The following MCF2L2 variants were observed in gnomAD, a reference collection of about 807,000 sequenced individuals.
MCF2L2 encodes the protein MCF.2 cell line derived transforming sequence-like 2.
A neutral mutation model predicts 150.2 loss-of-function variants in MCF2L2; 102 were observed. That is an observed-to-expected ratio of 0.68 (90% CI 0.58 to 0.80). MCF2L2 has a LOEUF of 0.80. Ranked by LOEUF, MCF2L2 falls within the 30% of genes least tolerant of loss-of-function variation. The pLI, the probability that MCF2L2 is intolerant of heterozygous loss-of-function variation, is 0.00. For synonymous variants in MCF2L2, 465 were observed against 491.3 expected, an observed-to-expected ratio of 0.95 and a Z score of 0.71; for missense variants, 1,256 against 1,372.8, an observed-to-expected ratio of 0.91 and a Z score of 1.34.
intron 2 of MCF2L2, among the ~76,000 whole-genome samples, chr3:183,379,719 C>T (rs1044879684): frequency 6.6e-6 from 1 of 152,148 alleles, no homozygotes; most frequent in Non-Finnish European, 1.5e-5. Flanking sequence ...TAATATTGCT[C>T]TTCATTTTTG....
chr3:183,216,207 G>A (rs1362387363), intron 21 of MCF2L2, 113 bp from the exon 22 acceptor site: 29 of 1,134,020 alleles, frequency 2.6e-5, no homozygotes, highest in Non-Finnish European at 3.3e-5. Context: ...GACTGAGAAG[G>A]GTGGATATTG....
chr3:183,238,287 A>C (rs1171275864), intron 15 of MCF2L2, among the ~76,000 whole-genome samples: 2 of 128,440 alleles, frequency 1.6e-5, no homozygotes, highest in African/African-American at 6.0e-5. Flanking sequence ...CGTTAGTGTT[A>C]ATGTATTTTT....
At chr3:183,338,033 C>A (rs989525957) in intron 5 of MCF2L2, among the ~76,000 whole-genome samples, 2 of 152,070 alleles carry the variant, frequency 1.3e-5, no homozygotes, top group East Asian at 1.9e-4. Context: ...ATTTATGTCA[C>A]CCCTATATTT....
At chr3:183,184,556 A>G (rs1721632141) in intron 27 of MCF2L2, among the ~76,000 whole-genome samples, 1 of 152,238 alleles carries the variant, frequency 6.6e-6, no homozygotes, top group Non-Finnish European at 1.5e-5. Flanking sequence ...TGAAACCCTT[A>G]GTCGACAATC....
chr3:183,368,593 A>C (rs2108574244), intron 3 of MCF2L2, among the ~76,000 whole-genome samples: 1 of 152,186 alleles, frequency 6.6e-6, no homozygotes, highest in Admixed American at 6.5e-5. Flanking sequence ...GTGAAACTCC[A>C]TCTCTACTAA....
At chr3:183,356,294 C>G (rs186776573) in intron 3 of MCF2L2, among the ~76,000 whole-genome samples, 2 of 151,766 alleles carry the variant, frequency 1.3e-5, no homozygotes, top group Non-Finnish European at 2.9e-5. Context: ...GCAGGCTGAT[C>G]ACGAGGTCAA....
chr3:183,198,824 A>C (rs1234495192), intron 25 of MCF2L2, among the ~76,000 whole-genome samples: 1 of 152,158 alleles, frequency 6.6e-6, no homozygotes, highest in Non-Finnish European at 1.5e-5. Flanking sequence ...CAAGCTTGTG[A>C]CTAGAATGTT....
intron 7 of MCF2L2, among the ~76,000 whole-genome samples, chr3:183,314,554 T>A (rs1729518889): frequency 6.6e-6 from 1 of 151,964 alleles, no homozygotes; most frequent in Admixed American, 6.6e-5. Context: ...ATACCTAAGA[T>A]AAGAGATCTC....
intron 14 of MCF2L2, among the ~76,000 whole-genome samples, chr3:183,280,243 G>T (rs752429737): frequency 1.3e-5 from 2 of 151,682 alleles, no homozygotes; most frequent in Non-Finnish European, 2.9e-5. Flanking sequence ...TAATCTAATT[G>T]TTCTTTCTCC....
At chr3:183,231,984 C>T (rs931689433) in intron 15 of MCF2L2, among the ~76,000 whole-genome samples, 1 of 152,148 alleles carries the variant, frequency 6.6e-6, no homozygotes, top group Non-Finnish European at 1.5e-5. Flanking sequence ...TCCAATCAAA[C>T]ACTAATTTAG....
chr3:183,347,247 G>A (rs1247510737), intron 3 of MCF2L2, among the ~76,000 whole-genome samples: 16 of 151,956 alleles, frequency 1.1e-4, no homozygotes, highest in Admixed American at 8.5e-4. Context: ...CAGAAATAAC[G>A]CCACACATCT....
At position 183,341,646 on chromosome 3, in the gene MCF2L2, GTC is replaced by G; in HGVS notation, c.276-18_276-17del. The G allele has an allele frequency of 6.3e-7, 1 of 1,587,334 alleles. No individual in the cohort carries two copies. Among genetic ancestry groups the G allele is most frequent in the Non-Finnish European group, 8.7e-7 (1 of 1,155,554 alleles). On this transcript the variant is annotated splice_polypyrimidine_tract_variant and intron_variant, in intron 3 of 29. Transcript: ENST00000328913. ...AGCCTCCACACTGCAAAGAAGGGTG[GTC>G]AGTGTCAGAGATTAGGTGAGACCCA...
chr3:183,325,106 G>A (rs58266456), intron 5 of MCF2L2, among the ~76,000 whole-genome samples: 3,557 of 126,632 alleles, frequency 0.028, 183 homozygotes, highest in African/African-American at 0.1. Flanking sequence ...ATCATACTCC[G>A]GGGACTGTTG....
At chr3:183,363,250 C>G (rs1332148400) in intron 3 of MCF2L2, among the ~76,000 whole-genome samples, 1 of 152,186 alleles carries the variant, frequency 6.6e-6, no homozygotes, top group East Asian at 1.9e-4. Context: ...CACAAAACTA[C>G]ACATGCTCTT....
intron 5 of MCF2L2, among the ~76,000 whole-genome samples, chr3:183,337,600 CCATTGTGG>C (rs1428952650): frequency 1.3e-5 from 2 of 151,514 alleles, no homozygotes; most frequent in Non-Finnish European, 2.9e-5. Context: ...TCAGCCGTTT[CCATTGTGG>C]TTGTACCATA....
At chr3:183,212,283 T>C (rs181349870) in intron 22 of MCF2L2, among the ~76,000 whole-genome samples, 2 of 152,352 alleles carry the variant, frequency 1.3e-5, no homozygotes, top group Non-Finnish European at 2.9e-5. Flanking sequence ...TACTTTGTGG[T>C]TCCTTGCGAC....
chr3:183,416,056 T>C (rs77383679), intron 1 of MCF2L2, among the ~76,000 whole-genome samples: 2 of 152,146 alleles, frequency 1.3e-5, no homozygotes, highest in Non-Finnish European at 2.9e-5. Context: ...TATTCTATAG[T>C]TTTTCATATA....
At chr3:183,291,543 T>C (rs967820627) in intron 13 of MCF2L2, among the ~76,000 whole-genome samples, 1 of 152,264 alleles carries the variant, frequency 6.6e-6, no homozygotes, top group South Asian at 2.1e-4. Flanking sequence ...AGCCAAGGCA[T>C]CCAGCTAACA....
chr3:183,222,555 A>AG (rs1373316737), intron 20 of MCF2L2, among the ~76,000 whole-genome samples: 2 of 152,194 alleles, frequency 1.3e-5, no homozygotes, highest in Non-Finnish European at 2.9e-5. Context: ...TCAAAAAAAA[A>AG]GAAAGAAAGA....
Sources: gnomAD v4.1 joint callset for allele counts (sites outside exome capture counted in the v4.1 genomes callset) on GRCh38, gnomAD v4.1.1 for gene constraint, MANE v1.5 for transcripts, NCBI Gene and HGNC (gene_info 2026-07-23, HGNC 2026-07-21) for gene names.